UNC79: variants seen among roughly 807,000 people sequenced by gnomAD.
UNC79 encodes the protein unc-79 subunit of NALCN channel complex, also known as protein unc-79 homolog.
A neutral mutation model predicts 283.1 loss-of-function variants in UNC79; 37 were observed. The ratio of observed to expected loss-of-function variants is 0.13; its 90% CI spans 0.10 to 0.17. The LOEUF (loss-of-function observed/expected upper bound fraction) is 0.17. Ranked by LOEUF, UNC79 falls within the 10% of genes least tolerant of loss-of-function variation. The pLI, the probability that UNC79 is intolerant of heterozygous loss-of-function variation, is 1.00. For synonymous variants in UNC79, 1,107 were observed against 1,200.2 expected (o/e 0.92, Z 1.61); for missense variants, 2,272 against 3,211.1 (o/e 0.71, Z 7.07).
At position 93,385,778 on chromosome 14, in the gene UNC79, A is replaced by C. The variant is rs563999525; in HGVS notation, c.-351+52255A>C. Reference sequence around the variant, plus strand: ...TGGGTGATGGAGCAAGACTGTCCCCAAAAAAAAAAAAAAAAGATACTATTG... The same window carrying C: ...TGGGTGATGGAGCAAGACTGTCCCCCAAAAAAAAAAAAAAAGATACTATTG... On this transcript the variant is annotated intron_variant, in intron 1 of 49. Coordinates refer to the UNC79 transcript ENST00000256339. Among the ~76,000 whole-genome samples the C allele has an allele frequency of 6.4e-3, 940 of 146,576 alleles. 21 individuals are homozygous for C. Among genetic ancestry groups the C allele is most frequent in the East Asian group, 0.028 (138 of 4,980 alleles).
At chr14:93,686,576 G>A (rs1369578183) in exon 43 of UNC79, 1 of 1,614,082 alleles carries the variant, frequency 6.2e-7, no homozygotes, top group South Asian at 1.1e-5. Context: ...TTTCAGTGTG[G>A]GACTGCAGCG....
At chr14:93,530,684 C>T (rs1567059060) in intron 10 of UNC79, among the ~76,000 whole-genome samples, 2 of 151,950 alleles carry the variant, frequency 1.3e-5, no homozygotes, top group Non-Finnish European at 2.9e-5. Flanking sequence ...CCGAGGTGGG[C>T]GGATCACAAG....
rs528258487 is a variant in UNC79 at position 93,661,977 on chromosome 14, A to C, written c.6526-627A>C. Among the ~76,000 whole-genome samples the C allele has an allele frequency of 8.9e-4, 135 of 152,320 alleles. 1 individual carries two copies. In the Middle Eastern group the frequency reaches 0.027, roughly 31 times the overall value. ...TGAGTAAGATAAACTATATGAAATC[A>C]TCCATCTAACTCTGTCTGACACTCA... On this transcript the variant is annotated intron_variant, in intron 39 of 48. Transcript: ENST00000555664.
At chr14:93,597,838 C>G (rs925685372) in intron 24 of UNC79, among the ~76,000 whole-genome samples, 5 of 152,138 alleles carry the variant, frequency 3.3e-5, no homozygotes, top group African/African-American at 1.2e-4. Context: ...CTAATACTAT[C>G]ATATTGGTGA....
intron 24 of UNC79, among the ~76,000 whole-genome samples, chr14:93,599,295 T>C (rs1485276177): frequency 6.6e-6 from 1 of 152,100 alleles, no homozygotes; most frequent in African/African-American, 2.4e-5. Flanking sequence ...CAGAGTCACA[T>C]AGCTAGTTAT....
intron 42 of UNC79, among the ~76,000 whole-genome samples, chr14:93,684,045 A>G (rs560252475): frequency 3.3e-5 from 5 of 152,274 alleles, no homozygotes; most frequent in Admixed American, 2.6e-4. Flanking sequence ...GTCATTAGCA[A>G]TGAGAGCACT....
chr14:93,642,900 T>C (rs573263755), intron 33 of UNC79, among the ~76,000 whole-genome samples: 1 of 152,322 alleles, frequency 6.6e-6, no homozygotes, highest in Non-Finnish European at 1.5e-5. Flanking sequence ...TCGTGTTGAA[T>C]GAAATGGACC....
At chr14:93,691,998 A>G (rs1226129608) in intron 46 of UNC79, 52 bp downstream of exon 49, 5 of 1,589,926 alleles carry the variant, frequency 3.1e-6, no homozygotes, top group Non-Finnish European at 4.3e-6. Context: ...AAGTGTCCAC[A>G]CCACTCCTAA....
rs147847702 is a variant in UNC79, at chr14:93,642,150, C to T, written c.5903+903C>T. On this transcript the variant is annotated intron_variant, in intron 33 of 48. Transcript: ENST00000555664. ...GATAAAAGGTGAGGAAGGGGCCAGG[C>T]GCGGTGGCTCATGCCTGTAATCCCA... Among the ~76,000 whole-genome samples, 1,311 of 152,144 alleles carry T rather than the reference C, an allele frequency of 8.6e-3. 18 individuals carry two copies. The highest frequency in any genetic ancestry group is 0.03 in the African/African-American group (1,246 of 41,514).
At chr14:93,663,610 G>A (rs916431141) in intron 40 of UNC79, among the ~76,000 whole-genome samples, 1 of 151,864 alleles carries the variant, frequency 6.6e-6, no homozygotes, top group Admixed American at 6.6e-5. Flanking sequence ...ACCAACTTGG[G>A]TCCATTCTGT....
chr14:93,338,305 A>C (rs1327187698), intron 1 of UNC79, among the ~76,000 whole-genome samples: 1 of 152,136 alleles, frequency 6.6e-6, no homozygotes, highest in Non-Finnish European at 1.5e-5. Context: ...CGACCAGTCC[A>C]TCTCTTGCCA....
chr14:93,429,637 T>G (rs1310786316), upstream of UNC79, among the ~76,000 whole-genome samples: 1 of 152,250 alleles, frequency 6.6e-6, no homozygotes, highest in Non-Finnish European at 1.5e-5. Flanking sequence ...ATAGGATCTT[T>G]TATTCTCTGA....
intron 1 of UNC79, among the ~76,000 whole-genome samples, chr14:93,385,291 C>T (rs2054747228): frequency 6.6e-6 from 1 of 152,134 alleles, no homozygotes; most frequent in African/African-American, 2.4e-5. Context: ...TTGATTCTTC[C>T]AATCCATAAA....
At chr14:93,475,544 A>T (rs146941743) in intron 3 of UNC79, among the ~76,000 whole-genome samples, 1 of 152,312 alleles carries the variant, frequency 6.6e-6, no homozygotes, top group African/African-American at 2.4e-5. Context: ...CTTTTTGTAT[A>T]ATTCTGTAGC....
chr14:93,637,343 A>G, intron 32 of UNC79, 44 bp downstream of exon 35: 3 of 1,607,992 alleles, frequency 1.9e-6, no homozygotes, highest in Admixed American at 1.7e-5. Context: ...GCTGAAGGAG[A>G]CTGGACATGT....
At chr14:93,572,920 TC>T in intron 16 of UNC79, 104 bp downstream of exon 16, 1 of 1,453,858 alleles carries the variant, frequency 6.9e-7, no homozygotes, top group Non-Finnish European at 9.2e-7. Flanking sequence ...ACTTCGTAAG[TC>T]CCCATGTTTG....
chr14:93,580,087 C>A (rs1269272304), intron 18 of UNC79, 62 bp from the exon 19 acceptor site: 5 of 1,456,896 alleles, frequency 3.4e-6, no homozygotes, highest in Admixed American at 2.1e-5. Context: ...ATGGACCAAA[C>A]TCCTTCTTCT....
At chr14:93,384,141 A>G (rs1475566800) in intron 1 of UNC79, among the ~76,000 whole-genome samples, 1 of 152,188 alleles carries the variant, frequency 6.6e-6, no homozygotes, top group Admixed American at 6.5e-5. Context: ...GATCTTATGA[A>G]TAGTGCTGCA....
chr14:93,645,179 A>T (rs778101995), intron 34 of UNC79, among the ~76,000 whole-genome samples: 3 of 152,194 alleles, frequency 2.0e-5, no homozygotes, highest in Non-Finnish European at 4.4e-5. Context: ...CTAAGTTGTC[A>T]TAGCTATATA....
Sources: gnomAD v4.1 joint callset for allele counts (sites outside exome capture counted in the v4.1 genomes callset) on GRCh38, gnomAD v4.1.1 for gene constraint, MANE v1.5 for transcripts, NCBI Gene and HGNC (gene_info 2026-07-23, HGNC 2026-07-21) for gene names.